Variants in OR4N2 observed in about 807,000 individuals in gnomAD.
OR4N2 encodes olfactory receptor family 4 subfamily N member 2.
For synonymous variants in OR4N2, 141 were observed against 140.4 expected, an observed-to-expected ratio of 1.00 and a Z score of -0.03; for missense variants, 307 against 377.6, an observed-to-expected ratio of 0.81 and a Z score of 1.55.
intron 1 of OR4N2, among the ~76,000 whole-genome samples, chr14:19,819,338 T>G (rs188751123): frequency 3.3e-5 from 5 of 152,374 alleles, no homozygotes; most frequent in African/African-American, 1.2e-4. Flanking sequence ...AACGTAGGTT[T>G]GGTCTTTTCA....
chr14:19,820,379 A>G (rs1879534756), intron 1 of OR4N2, among the ~76,000 whole-genome samples: 1 of 152,218 alleles, frequency 6.6e-6, no homozygotes, highest in Non-Finnish European at 1.5e-5. Context: ...GTAATGTCAG[A>G]GGGTCGATTT....
At chr14:19,821,432 A>C (rs1879562336) in intron 1 of OR4N2, among the ~76,000 whole-genome samples, 1 of 151,668 alleles carries the variant, frequency 6.6e-6, no homozygotes, top group Admixed American at 6.6e-5. Flanking sequence ...TAATTGAAAA[A>C]TTTGAGTCTA....
rs548335911 is a variant in OR4N2 at position 19,821,655 on chromosome 14, A to C, written c.-9-5785A>C. On this transcript the variant is annotated intron_variant, in intron 1 of 1. Transcript: ENST00000557677. Reference sequence around the variant, plus strand: ...AGGGTTCTGTCTTTCTCACGATAGAATTTTTGTTTTAGAACTAGAAAGTAA... The same window carrying C: ...AGGGTTCTGTCTTTCTCACGATAGACTTTTTGTTTTAGAACTAGAAAGTAA... Among the ~76,000 whole-genome samples the C allele has an allele frequency of 9.8e-5, 15 of 152,356 alleles. No homozygotes were observed. The East Asian group carries it at 2.7e-3, about 27-fold the overall frequency.
At chr14:19,821,121 C>A (rs1423561743) in intron 1 of OR4N2, among the ~76,000 whole-genome samples, 2 of 152,258 alleles carry the variant, frequency 1.3e-5, no homozygotes, top group Non-Finnish European at 1.5e-5. Flanking sequence ...AGCCTAGTAT[C>A]TGAATCAGAA....
chr14:19,817,280 T>C (rs1028003894), intron 1 of OR4N2, among the ~76,000 whole-genome samples: 11 of 152,260 alleles, frequency 7.2e-5, no homozygotes, highest in Admixed American at 3.9e-4. Flanking sequence ...CAGCTCCTCT[T>C]TGTACCTCTG....
At chr14:19,824,233 A>C (rs1256490780) in intron 1 of OR4N2, among the ~76,000 whole-genome samples, 1 of 152,248 alleles carries the variant, frequency 6.6e-6, no homozygotes, top group Non-Finnish European at 1.5e-5. Flanking sequence ...GCTTAGAGGA[A>C]TGCTCATCTG....
At chr14:19,806,214 C>A (rs1443705665) in intron 1 of OR4N2, among the ~76,000 whole-genome samples, 2 of 152,138 alleles carry the variant, frequency 1.3e-5, no homozygotes, top group Non-Finnish European at 2.9e-5. Flanking sequence ...GGATCAATAT[C>A]TGACATATCA....
At chr14:19,809,993 T>G (rs1879256853) in intron 1 of OR4N2, among the ~76,000 whole-genome samples, 1 of 152,010 alleles carries the variant, frequency 6.6e-6, no homozygotes, top group African/African-American at 2.4e-5. Context: ...AAACAGAAAT[T>G]GACAAATGAG....
chr14:19,809,241 G>A (rs1879238514), intron 1 of OR4N2, among the ~76,000 whole-genome samples: 1 of 152,242 alleles, frequency 6.6e-6, no homozygotes, highest in African/African-American at 2.4e-5. Context: ...TAAGACCTCA[G>A]CCTATAAAAA....
chr14:19,808,883 C>A (rs1310820943), intron 1 of OR4N2, among the ~76,000 whole-genome samples: 3 of 152,016 alleles, frequency 2.0e-5, no homozygotes, highest in Non-Finnish European at 2.9e-5. Flanking sequence ...TATAAGGCCA[C>A]TGTAACCAAA....
chr14:19,810,077 G>C (rs1471857297), intron 1 of OR4N2, among the ~76,000 whole-genome samples: 2 of 152,132 alleles, frequency 1.3e-5, no homozygotes, highest in Non-Finnish European at 2.9e-5. Context: ...CTACAAAATG[G>C]GATAAAATAT....
rs752061920 is a variant in OR4N2 at position 19,828,347 on chromosome 14, A to T, written c.899A>T (p.Lys300Met). The T allele has an allele frequency of 5.6e-6, 9 of 1,613,184 alleles. No individual in the cohort carries two copies. In the South Asian group the frequency reaches 9.9e-5, roughly 18 times the overall value. ...CAGGAAGTGAAAGCTTCCATGAAAA[A>T]GGTGTTTAATAAGCACATAGCCTGA... is the stretch of plus-strand genomic sequence containing the variant. ...RNQEVKASMK[K>M]VFNKHIA The change falls in exon 2 of 2, where the codon AAG becomes ATG. Residue 300 changes from lysine to methionine, a missense_variant. By Grantham distance (95) the Lys-to-Met change is moderately conservative. Transcript: ENST00000557677.
At chr14:19,814,090 A>C (rs1172984970) in intron 1 of OR4N2, among the ~76,000 whole-genome samples, 1 of 151,762 alleles carries the variant, frequency 6.6e-6, no homozygotes, top group East Asian at 1.9e-4. Context: ...TTCACTTGTA[A>C]AGTGACCCAT....
At chr14:19,827,174 A>G (rs1879720437) in intron 1 of OR4N2, among the ~76,000 whole-genome samples, 1 of 152,280 alleles carries the variant, frequency 6.6e-6, no homozygotes, top group Admixed American at 6.5e-5. Context: ...GGAGGATACC[A>G]GACCCCTAAC....
At chr14:19,807,540 T>C (rs1433080534) in intron 1 of OR4N2, among the ~76,000 whole-genome samples, 5 of 152,038 alleles carry the variant, frequency 3.3e-5, no homozygotes, top group East Asian at 3.8e-4. Flanking sequence ...CTGGAAGAGA[T>C]TGAAACCCTG....
At chr14:19,825,094 G>C (rs1408954416) in intron 1 of OR4N2, among the ~76,000 whole-genome samples, 2 of 152,268 alleles carry the variant, frequency 1.3e-5, no homozygotes, top group Non-Finnish European at 2.9e-5. Context: ...AAGCTCATTT[G>C]AAGGAACTAC....
chr14:19,810,683 G>A (rs1479401934), intron 1 of OR4N2, among the ~76,000 whole-genome samples: 2 of 152,030 alleles, frequency 1.3e-5, no homozygotes, highest in Non-Finnish European at 2.9e-5. Flanking sequence ...AGAGATAAAA[G>A]GAAAAGAGTC....
At chr14:19,823,246 G>A (rs764843758) in intron 1 of OR4N2, among the ~76,000 whole-genome samples, 20 of 152,096 alleles carry the variant, frequency 1.3e-4, no homozygotes, top group African/African-American at 3.6e-4. Context: ...CCCTATTTTT[G>A]AAATTTGTAT....
chr14:19,816,418 C>A (rs1372090582), intron 1 of OR4N2, among the ~76,000 whole-genome samples: 1 of 152,182 alleles, frequency 6.6e-6, no homozygotes, highest in Non-Finnish European at 1.5e-5. Context: ...CTTCATATCC[C>A]TTGTTAGTTG....
Sources: allele counts gnomAD v4.1 joint callset (sites outside exome capture counted in the v4.1 genomes callset), GRCh38; gene constraint gnomAD v4.1.1; transcripts MANE v1.5; gene names NCBI Gene and HGNC (gene_info 2026-07-23, HGNC 2026-07-21).